The following GTSE1 variants were observed in gnomAD, a reference collection of about 807,000 sequenced individuals.
GTSE1 encodes the protein G2 and S phase-expressed protein 1.
GTSE1 carries 52 observed loss-of-function variants against 60.5 expected under a neutral mutation model. The observed-to-expected ratio is 0.86, with a 90% confidence interval of 0.69 to 1.08. The LOEUF (loss-of-function observed/expected upper bound fraction) is 1.08, where lower values mean the gene tolerates loss of function less well. Ranked by LOEUF, GTSE1 falls within the 50% of genes least tolerant of loss-of-function variation. The pLI is 0.00. For missense variants in GTSE1, 937 were observed against 961.8 expected (o/e 0.97, Z 0.34); for synonymous variants, 368 against 386.5 (o/e 0.95, Z 0.56).
At chr22:46,307,964 T>A (rs1403561133) in intron 2 of GTSE1, among the ~76,000 whole-genome samples, 186 bp from the exon 3 acceptor site, 2 of 152,088 alleles carry the variant, frequency 1.3e-5, no homozygotes, top group African/African-American at 4.8e-5. Flanking sequence ...ATTTAAAAAA[T>A]TTTTTAAAAA....
At chr22:46,323,121 A>G (rs1461943636) in intron 7 of GTSE1, 69 bp from the exon 8 acceptor site, 2 of 995,680 alleles carry the variant, frequency 2.0e-6, no homozygotes, top group African/African-American at 3.2e-5. Context: ...CCATTCGGTG[A>G]CGATCCCCCA....
rs373815897 is a variant in GTSE1 at position 46,302,049 on chromosome 22, C to T, written c.79+4570C>T. Among the ~76,000 whole-genome samples the T allele has an allele frequency of 8.5e-5, 13 of 152,226 alleles. No individual in the cohort carries two copies. In the East Asian group the frequency reaches 1.4e-3, roughly 16 times the overall value. ...CTAGGGCAGGAGAATCGCTTGAACCCAGGAGGCAGAGGTTGCGGTGAGCCA... is the reference window on the plus strand; with the variant it reads ...CTAGGGCAGGAGAATCGCTTGAACCTAGGAGGCAGAGGTTGCGGTGAGCCA... On this transcript the variant is annotated intron_variant, in intron 2 of 11. Transcript: ENST00000454366.
In GTSE1 at chr22:46,308,143, C is replaced by T. The variant is rs543908479; in HGVS notation, c.80-7C>T. The stretch of plus-strand genomic sequence containing the variant: ...CACTAAAATAACAGTGGATTTTTTC[C>T]CTCTAGACATTCTTCTTTTGGCCGA... On this transcript the variant is annotated splice_region_variant and splice_polypyrimidine_tract_variant and intron_variant, in intron 2 of 11. Transcript: ENST00000454366. 4.7e-5 allele frequency: 75 copies of T among 1,599,336 alleles called. No homozygotes were observed. The highest frequency in any genetic ancestry group is 5.8e-5 in the Non-Finnish European group (68 of 1,167,002).
At position 46,330,361 on chromosome 22, in the gene GTSE1, A is replaced by G. The variant is rs2077869531; in HGVS notation, c.*231A>G. The G allele has an allele frequency of 2.3e-6, 1 of 435,504 alleles. No individual in the cohort carries two copies. Among genetic ancestry groups the G allele is most frequent in the African/African-American group, 2.0e-5 (1 of 49,888 alleles). The allele number at this position is 435,504 out of a possible 1,614,324, so 27.0% of individuals were successfully genotyped here. On this transcript the variant is annotated 3_prime_UTR_variant, in exon 12 of 12. Coordinates refer to ENST00000454366, the MANE Select transcript of GTSE1 (RefSeq NM_016426.7). The surrounding 1 kb of genome is among the most constrained non-coding windows in gnomAD (Gnocchi z 6.0). ...GCCGGGTGTGGTAGTGCATGCCTGTAGTCCCAGCTACTTGGGAGGCTGAAG... is the reference window on the plus strand; with the variant it reads ...GCCGGGTGTGGTAGTGCATGCCTGTGGTCCCAGCTACTTGGGAGGCTGAAG...
In GTSE1 at chr22:46,328,901, G is replaced by A. The variant is rs199624084; in HGVS notation, c.1926+12G>A. On this transcript the variant is annotated intron_variant, in intron 10 of 11. Transcript: ENST00000454366. ...CAGCCCCTAGTGAGGTGGGCAGAAC[G>A]GGCGCAGCTGGGTTCTGTTAGCTGA... The A allele has an allele frequency of 1.7e-5, 27 of 1,598,802 alleles. No homozygotes were observed. The highest frequency in any genetic ancestry group is 1.2e-4 in the South Asian group (11 of 90,784).
rs942805421 is a variant in GTSE1, at chr22:46,323,276, G to C, written c.1505+14G>C. 2 of 1,595,838 alleles carry C rather than the reference G, an allele frequency of 1.3e-6. No individual in the cohort carries two copies. The highest frequency in any genetic ancestry group is 1.7e-6 in the Non-Finnish European group (2 of 1,163,608). On this transcript the variant is annotated intron_variant, in intron 8 of 11. Transcript: ENST00000454366. ...GTCAGTTGGCAGGTGAGTGACGTTGGTCCGCTTCCTCTCTTTATTGCTGTA... is the reference window on the plus strand; with the variant it reads ...GTCAGTTGGCAGGTGAGTGACGTTGCTCCGCTTCCTCTCTTTATTGCTGTA...
rs561545524 is a variant in GTSE1, at chr22:46,314,104, A to G, written c.1051+91A>G. 3.3e-5 allele frequency: 50 copies of G among 1,521,760 alleles called. No homozygotes were observed. In the Admixed American group the frequency reaches 8.4e-4, roughly 25 times the overall value. 94.3% of individuals were successfully genotyped at this position (1,521,760 alleles called of 1,614,324 possible). ...CCTTGGAGACTGTTTCTGCAGAACC[A>G]CTTAGGCTTGGCAGGACGTCCCGGA... On this transcript the variant is annotated intron_variant, in intron 6 of 11. Coordinates refer to ENST00000454366, the MANE Select transcript of GTSE1 (RefSeq NM_016426.7). This position sits in a 1 kb window ranked among gnomAD's most constrained non-coding sequence, Gnocchi z 7.1.
intron 2 of GTSE1, among the ~76,000 whole-genome samples, chr22:46,302,895 CTTTT>C: frequency 7.6e-6 from 1 of 131,372 alleles, no homozygotes; most frequent in African/African-American, 2.9e-5. Flanking sequence ...CACTTTCCCT[CTTTT>C]TTTTTTTTTT....
At chr22:46,306,690 G>T (rs1469572507) in intron 2 of GTSE1, among the ~76,000 whole-genome samples, 1 of 151,456 alleles carries the variant, frequency 6.6e-6, no homozygotes, top group Non-Finnish European at 1.5e-5. Flanking sequence ...ATTTTGCCAC[G>T]TTGGCCAGGC....
At position 46,330,094 on chromosome 22, in the gene GTSE1, C is replaced by T. The variant is rs1280072619; in HGVS notation, c.2184C>T (p.Asp728=). 6 of 1,611,260 alleles carry T rather than the reference C, an allele frequency of 3.7e-6. No individual in the cohort carries two copies. The South Asian group carries it at 4.4e-5, about 12-fold the overall frequency. The change falls in exon 12 of 12, where the codon GAC becomes GAT. Residue 728 remains aspartate (D), a synonymous_variant. Transcript: ENST00000454366. The surrounding 1 kb of genome is among the most constrained non-coding windows in gnomAD (Gnocchi z 6.0). The part of the protein sequence containing the change: ...SPLIQLSPEA[D]KENVDSPLLK... Reference sequence around the variant, plus strand: ...TGATCCAGCTGAGCCCTGAGGCTGACAAGGAGAACGTGGATTCCCCACTCC... The same window carrying T: ...TGATCCAGCTGAGCCCTGAGGCTGATAAGGAGAACGTGGATTCCCCACTCC...
chr22:46,316,493 C>A lies in GTSE1; in HGVS notation c.1432+81C>A. 1.0e-6 allele frequency: 1 copy of A among 972,930 alleles called. No homozygotes were observed. Among genetic ancestry groups the A allele is most frequent in the Non-Finnish European group, 1.6e-6 (1 of 643,880 alleles). 60.3% of individuals were successfully genotyped at this position (972,930 alleles called of 1,614,324 possible). The stretch of plus-strand genomic sequence containing the variant: ...TAAAGTTTTAAACAATTATTGATGG[C>A]ATTGATGGTGTTTTTAGTTCTTTCC... On this transcript the variant is annotated intron_variant, in intron 7 of 11. Coordinates refer to ENST00000454366, the MANE Select transcript of GTSE1 (RefSeq NM_016426.7). The surrounding 1 kb of genome is among the most constrained non-coding windows in gnomAD (Gnocchi z 5.0).
chr22:46,311,655 C>T (rs1332337205), intron 4 of GTSE1, among the ~76,000 whole-genome samples: 5 of 152,114 alleles, frequency 3.3e-5, no homozygotes, highest in Non-Finnish European at 7.3e-5. Context: ...TGCCCTTGTC[C>T]CTAAATATGT....
In GTSE1 at chr22:46,329,878, T is replaced by C. The variant is rs1427712842; in HGVS notation, c.2137-169T>C. The stretch of plus-strand genomic sequence containing the variant: ...GGCCTGGGCTTCTCCGTGTGTGTCC[T>C]GTCTCCTTCCAGCTTCTTAGACGTG... On this transcript the variant is annotated intron_variant, in intron 11 of 11. Transcript: ENST00000454366. This position sits in a 1 kb window ranked among gnomAD's most constrained non-coding sequence, Gnocchi z 6.4. 7.9e-5 allele frequency among the ~76,000 whole-genome samples: 12 copies of C among 152,242 alleles called. No homozygotes were observed.
In GTSE1 at chr22:46,297,585, A is replaced by G. The variant is rs1288285918; in HGVS notation, c.79+106A>G. The G allele has an allele frequency of 3.9e-6, 3 of 770,652 alleles. No individual in the cohort carries two copies. The highest frequency in any genetic ancestry group is 2.6e-5 in the East Asian group (1 of 38,956). The allele number at this position is 770,652 out of a possible 1,614,324, so 47.7% of individuals were successfully genotyped here. Reference sequence around the variant, plus strand: ...ATTCTTTCTCAAGTGCTCGACTTGTACTCTGCACCTGTGAAACACATGACA... The same window carrying G: ...ATTCTTTCTCAAGTGCTCGACTTGTGCTCTGCACCTGTGAAACACATGACA... On this transcript the variant is annotated intron_variant, in intron 2 of 11. Transcript: ENST00000454366. The surrounding 1 kb of genome is among the most constrained non-coding windows in gnomAD (Gnocchi z 4.9).
rs1037629292 is a variant in GTSE1 at position 46,321,066 on chromosome 22, C to G, written c.1433-2124C>G. ...GAGGGAGAGAGAGGTGGGCTTGCCT[C>G]CACACCCGCCAGGAGTGACCAACTT... On this transcript the variant is annotated intron_variant, in intron 7 of 11. Transcript: ENST00000454366. The surrounding 1 kb of genome is among the most constrained non-coding windows in gnomAD (Gnocchi z 4.0). Among the ~76,000 whole-genome samples, 1 of 151,912 alleles carries G rather than the reference C, an allele frequency of 6.6e-6. No homozygotes were observed. Among genetic ancestry groups the G allele is most frequent in the African/African-American group, 2.4e-5 (1 of 41,348 alleles).
At position 46,320,230 on chromosome 22, in the gene GTSE1, C is replaced by T. The variant is rs963402301; in HGVS notation, c.1433-2960C>T. 6.6e-6 allele frequency among the ~76,000 whole-genome samples: 1 copy of T among 152,162 alleles called. No homozygotes were observed. The highest frequency in any genetic ancestry group is 2.4e-5 in the African/African-American group (1 of 41,432). On this transcript the variant is annotated intron_variant, in intron 7 of 11. Coordinates refer to ENST00000454366, the MANE Select transcript of GTSE1 (RefSeq NM_016426.7). This position sits in a 1 kb window ranked among gnomAD's most constrained non-coding sequence, Gnocchi z 7.1. ...ACAGGACTTCTGCTAATCCCAAATC[C>T]CTGTTGGCTTTGCCCTGTTTCCCAG...
intron 9 of GTSE1, chr22:46,327,175 C>T (rs984015902): frequency 6.6e-6 from 1 of 151,962 alleles, no homozygotes; most frequent in Non-Finnish European, 1.5e-5. Context: ...GCACTCCAGC[C>T]TGGGGGACAG....
At chr22:46,299,114 A>G (rs1030684707) in intron 2 of GTSE1, among the ~76,000 whole-genome samples, 3 of 152,136 alleles carry the variant, frequency 2.0e-5, no homozygotes, top group Admixed American at 6.5e-5. Context: ...TTTCAGTAAC[A>G]TTCGTCCTTC....
chr22:46,328,794 T>C lies in GTSE1; in HGVS notation c.1831T>C (p.Ser611Pro). The C allele has an allele frequency of 6.2e-7, 1 of 1,613,928 alleles. No homozygotes were observed. The highest frequency in any genetic ancestry group is 8.5e-7 in the Non-Finnish European group (1 of 1,179,828). Residue 611 changes from serine (S) to proline (P), a missense_variant, in exon 10 of 12, where the codon TCT (serine) becomes CCT (proline). Physicochemically the swap from Ser to Pro is moderately conservative, Grantham distance 74 (BLOSUM62 -1). Transcript: ENST00000454366. Reference protein sequence around the residue: ...PSRVPQALNFSPEESDSTFSK... With the variant: ...PSRVPQALNFPPEESDSTFSK... The stretch of plus-strand genomic sequence containing the variant: ...CCGTGTGCCTCAGGCACTTAACTTT[T>C]CTCCAGAGGAAAGCGATTCTACTTT...
Sources: gnomAD v4.1 joint callset for allele counts (sites outside exome capture counted in the v4.1 genomes callset) on GRCh38, gnomAD v4.1.1 for gene constraint, Gnocchi (gnomAD v3.1) non-coding constraint, MANE v1.5 for transcripts, NCBI Gene and HGNC (gene_info 2026-07-23, HGNC 2026-07-21) for gene names.